OLA1: variants seen among roughly 807,000 people sequenced by gnomAD.
OLA1 encodes the protein Obg like ATPase 1, also known as obg-like ATPase 1.
In OLA1, 14 loss-of-function variants were observed where a neutral mutation model predicts 48.4. The ratio of observed to expected loss-of-function variants is 0.29; its 90% confidence interval spans 0.19 to 0.45. The LOEUF (loss-of-function observed/expected upper bound fraction) is 0.45, where lower values mean the gene tolerates loss of function less well. Among genes scored for constraint, OLA1 ranks in the 20% least tolerant of loss-of-function variants. OLA1 has a pLI of 1.00. For missense variants in OLA1, 325 were observed against 467.1 expected (o/e 0.70, Z 2.80); for synonymous variants, 127 against 150.4 (o/e 0.84, Z 1.14).
intron 4 of OLA1, among the ~76,000 whole-genome samples, chr2:174,166,812 T>C (rs1289823831): frequency 6.6e-6 from 1 of 152,190 alleles, no homozygotes; most frequent in Non-Finnish European, 1.5e-5. Context: ...ACCCAACTAC[T>C]ACTCCACCTT....
intron 2 of OLA1, among the ~76,000 whole-genome samples, chr2:174,234,520 G>A (rs888578643): frequency 1.1e-4 from 16 of 152,104 alleles, no homozygotes; most frequent in African/African-American, 3.9e-4. Flanking sequence ...CTGGAGAGCA[G>A]TGGCATGAAC....
At chr2:174,148,943 T>C (rs563138454) in intron 4 of OLA1, among the ~76,000 whole-genome samples, 19 of 152,330 alleles carry the variant, frequency 1.2e-4, no homozygotes, top group Admixed American at 2.0e-4. Context: ...CCACTAACAC[T>C]TTCTCATCAA....
intron 4 of OLA1, among the ~76,000 whole-genome samples, chr2:174,218,857 G>T (rs1404049374): frequency 6.6e-6 from 1 of 152,030 alleles, no homozygotes; most frequent in East Asian, 1.9e-4. Context: ...GGATCTTGTT[G>T]TCATCCAAGC....
intron 7 of OLA1, among the ~76,000 whole-genome samples, chr2:174,086,974 G>A (rs1684991050): frequency 6.6e-6 from 1 of 151,528 alleles, no homozygotes; most frequent in South Asian, 2.1e-4. Flanking sequence ...CTTGTTTTTG[G>A]CACCTAGAGA....
intron 4 of OLA1, among the ~76,000 whole-genome samples, chr2:174,169,606 T>A (rs1326668379): frequency 6.6e-6 from 1 of 152,162 alleles, no homozygotes; most frequent in East Asian, 1.9e-4. Flanking sequence ...AAAAACATTT[T>A]CAGATGAAAG....
At chr2:174,140,565 A>G (rs1036575009) in intron 5 of OLA1, among the ~76,000 whole-genome samples, 1 of 151,892 alleles carries the variant, frequency 6.6e-6, no homozygotes, top group Non-Finnish European at 1.5e-5. Context: ...ATGGGGTTTC[A>G]CAATGTTAGC....
At chr2:174,207,139 G>A (rs1226368469) in intron 4 of OLA1, among the ~76,000 whole-genome samples, 1 of 152,164 alleles carries the variant, frequency 6.6e-6, no homozygotes, top group Non-Finnish European at 1.5e-5. Flanking sequence ...TTGGGGGGGA[G>A]CAATTAAATG....
intron 5 of OLA1, among the ~76,000 whole-genome samples, chr2:174,140,421 G>A (rs748268441): frequency 2.6e-4 from 39 of 150,966 alleles, no homozygotes; most frequent in Middle Eastern, 3.4e-3. Flanking sequence ...AGCCTGGAGT[G>A]CAGTGGCATG....
chr2:174,185,844 C>G (rs1276147810), intron 4 of OLA1, among the ~76,000 whole-genome samples: 1 of 152,122 alleles, frequency 6.6e-6, no homozygotes, highest in Non-Finnish European at 1.5e-5. Context: ...AGGAGAATCA[C>G]TACCTCCAGG....
chr2:174,104,009 A>G (rs1055759592), intron 7 of OLA1, among the ~76,000 whole-genome samples: 3 of 152,160 alleles, frequency 2.0e-5, no homozygotes, highest in African/African-American at 7.2e-5. Context: ...ACATAGAAAC[A>G]GGAGGATGGA....
chr2:174,137,384 T>C (rs887276997), intron 5 of OLA1, among the ~76,000 whole-genome samples: 2 of 152,244 alleles, frequency 1.3e-5, no homozygotes, highest in Non-Finnish European at 2.9e-5. Context: ...AGATTTAGTA[T>C]AACTCGCAAA....
At chr2:174,247,826 C>T in intron 1 of OLA1, 1 of 1,538,656 alleles carries the variant, frequency 6.5e-7, no homozygotes, top group Non-Finnish European at 8.8e-7. Context: ...TCGAAACTTT[C>T]TCTGTCCCTT....
At chr2:174,201,138 C>T (rs890508965) in intron 4 of OLA1, among the ~76,000 whole-genome samples, 4 of 151,986 alleles carry the variant, frequency 2.6e-5, no homozygotes, top group African/African-American at 7.3e-5. Context: ...AAAGAGAATG[C>T]GAAGATTTTC....
intron 4 of OLA1, among the ~76,000 whole-genome samples, chr2:174,149,074 GTC>G (rs1491191583): frequency 6.8e-6 from 1 of 146,816 alleles, no homozygotes; most frequent in Non-Finnish European, 1.5e-5. Flanking sequence ...TGAAGGAGCT[GTC>G]TACATGTGCT....
intron 4 of OLA1, among the ~76,000 whole-genome samples, chr2:174,182,192 G>A (rs1365784544): frequency 6.6e-6 from 1 of 152,180 alleles, no homozygotes; most frequent in Non-Finnish European, 1.5e-5. Context: ...AAGAGTAAGA[G>A]TGATCTACAT....
chr2:174,075,213 G>T lies in OLA1; in HGVS notation c.*213C>A. Reference sequence around the variant, plus strand: ...ATTTGGAGTAGGGTCTTAATCACGTGAAAAGCAAAGCTGTTCACATTTAGT... The same window carrying T: ...ATTTGGAGTAGGGTCTTAATCACGTTAAAAGCAAAGCTGTTCACATTTAGT... On this transcript the variant is annotated 3_prime_UTR_variant, in exon 11 of 11. Coordinates refer to ENST00000284719, the MANE Select transcript of OLA1 (RefSeq NM_013341.5). 1 of 452,486 alleles carries T rather than the reference G, an allele frequency of 2.2e-6. No individual in the cohort carries two copies. The allele number at this position is 452,486 out of a possible 1,614,324, so 28.0% of individuals were successfully genotyped here.
intron 3 of OLA1, among the ~76,000 whole-genome samples, chr2:174,226,330 G>A (rs927938823): frequency 2.6e-5 from 4 of 152,084 alleles, no homozygotes; most frequent in Admixed American, 2.6e-4. Context: ...GATTTCTGAT[G>A]TATTACACTA....
intron 4 of OLA1, among the ~76,000 whole-genome samples, chr2:174,151,758 C>T (rs554944391): frequency 6.6e-6 from 1 of 152,210 alleles, no homozygotes; most frequent in East Asian, 1.9e-4. Flanking sequence ...CATTTAATAT[C>T]TATAGTTTTA....
chr2:174,082,135 G>A (rs1684870341), intron 7 of OLA1, 71 bp from the exon 8 acceptor site: 1 of 1,503,500 alleles, frequency 6.7e-7, no homozygotes, highest in Non-Finnish European at 9.2e-7. Context: ...TTATTATCAA[G>A]TAGCACATAC....
Sources: gnomAD v4.1 joint callset for allele counts (sites outside exome capture counted in the v4.1 genomes callset) on GRCh38, gnomAD v4.1.1 for gene constraint, MANE v1.5 for transcripts, NCBI Gene and HGNC (gene_info 2026-07-23, HGNC 2026-07-21) for gene names.